The following SUCO variants were observed in gnomAD, a reference collection of about 807,000 sequenced individuals.
SUCO encodes SUN domain containing ossification factor.
SUCO carries 57 observed loss-of-function variants against 148.1 expected under a neutral mutation model. That is an observed-to-expected ratio of 0.38 (90% CI 0.31 to 0.48). The LOEUF (loss-of-function observed/expected upper bound fraction) is 0.48. Among genes scored for constraint, SUCO ranks in the 20% least tolerant of loss-of-function variants. The pLI is 0.96. For missense variants in SUCO, 1,331 were observed against 1,468.2 expected, an observed-to-expected ratio of 0.91 and a Z score of 1.53; for synonymous variants, 470 against 502.7, an observed-to-expected ratio of 0.93 and a Z score of 0.87.
chr1:172,584,875 G>A, intron 15 of SUCO, 143 bp from the exon 16 acceptor site: 1 of 513,822 alleles, frequency 1.9e-6, no homozygotes, highest in Non-Finnish European at 3.4e-6. Flanking sequence ...GTCCTATATT[G>A]GACTTTAGTT....
At chr1:172,549,730 G>T (rs1370712413) in intron 1 of SUCO, among the ~76,000 whole-genome samples, 2 of 151,814 alleles carry the variant, frequency 1.3e-5, no homozygotes, top group East Asian at 3.9e-4. Flanking sequence ...AGAATGAATT[G>T]ATTTCTCTTT....
At chr1:172,557,122 A>C in intron 4 of SUCO, 158 bp from the exon 5 acceptor site, 4 of 980,740 alleles carry the variant, frequency 4.1e-6, no homozygotes, top group Non-Finnish European at 4.8e-6. Flanking sequence ...TTAGAAGCTG[A>C]GGACAATAAC....
intron 1 of SUCO, among the ~76,000 whole-genome samples, chr1:172,538,932 A>G (rs116168424): frequency 0.016 from 2,372 of 152,324 alleles, 60 homozygotes; most frequent in African/African-American, 0.054. Flanking sequence ...CACTGTGTCC[A>G]ATAAAAGACG....
intron 6 of SUCO, chr1:172,568,305 T>TTGGC: frequency 2.2e-6 from 2 of 905,994 alleles, no homozygotes; most frequent in Non-Finnish European, 2.6e-6. Context: ...ATTCTTTGCT[T>TTGGC]CCCACCCACC....
chr1:172,598,882 C>G (rs1364102556), intron 19 of SUCO, among the ~76,000 whole-genome samples: 1 of 152,076 alleles, frequency 6.6e-6, no homozygotes, highest in East Asian at 1.9e-4. Context: ...TAGAAAGTAC[C>G]ATAGTGGATC....
intron 8 of SUCO, 161 bp from the exon 9 acceptor site, chr1:172,570,502 A>C (rs1654879120): frequency 1.7e-6 from 1 of 601,330 alleles, no homozygotes; most frequent in South Asian, 2.3e-5. Flanking sequence ...TGAATGGTGA[A>C]TCTTAGCCAC....
chr1:172,595,023 T>C (rs1402438885), intron 19 of SUCO, among the ~76,000 whole-genome samples: 1 of 152,248 alleles, frequency 6.6e-6, no homozygotes, highest in African/African-American at 2.4e-5. Context: ...AATTGATCCC[T>C]TTACCATTAT....
Position 172,535,486 on chromosome 1 carries a change from T to C in SUCO, c.62+1989T>C, listed in dbSNP as rs572028654. Among the ~76,000 whole-genome samples the C allele has an allele frequency of 4.6e-5, 7 of 152,304 alleles. No individual in the cohort carries two copies. In the South Asian group the frequency reaches 1.2e-3, roughly 27 times the overall value. ...GTGCTGATTGGCAAAGGGTATGTTT[T>C]TTCTTTGAAGCCTCTGCTTTTGTGC... On this transcript the variant is annotated intron_variant, in intron 1 of 23. Coordinates refer to ENST00000263688, the MANE Select transcript of SUCO (RefSeq NM_014283.5).
At chr1:172,542,599 C>A in intron 1 of SUCO, 1 of 268,880 alleles carries the variant, frequency 3.7e-6, no homozygotes, top group Non-Finnish European at 5.7e-6. Flanking sequence ...TACTATGAAC[C>A]ACACACGCGA....
At chr1:172,608,996 C>T (rs1396996825) in intron 23 of SUCO, among the ~76,000 whole-genome samples, 194 bp downstream of exon 23, 1 of 151,964 alleles carries the variant, frequency 6.6e-6, no homozygotes, top group African/African-American at 2.4e-5. Flanking sequence ...GGCCATGAGC[C>T]AGATAGGTTT....
intron 6 of SUCO, among the ~76,000 whole-genome samples, chr1:172,564,777 A>C (rs761231036): frequency 1.2e-4 from 18 of 152,136 alleles, no homozygotes; most frequent in Non-Finnish European, 2.4e-4. Flanking sequence ...CTCTTTTTTT[A>C]TATCCTTTGC....
rs1558203084 is a variant in SUCO at position 172,588,828 on chromosome 1, C to G, written c.1727C>G (p.Pro576Arg). 1 of 1,608,956 alleles carries G rather than the reference C, an allele frequency of 6.2e-7. No individual in the cohort carries two copies. Residue 576 changes from proline (P) to arginine (R), a missense_variant, in exon 18 of 24, where the codon CCC becomes CGC. Pro to Arg is a moderately radical substitution (Grantham distance 103). Transcript: ENST00000263688. ...ACACCAGATACTCCAAAAGAGAGTC[C>G]CATTGTACAGTTAGTTCAAGAGGAG... ...PSTPDTPKES[P>R]IVQLVQEEEE...
chr1:172,579,397 C>A, intron 15 of SUCO, 130 bp downstream of exon 15: 1 of 543,918 alleles, frequency 1.8e-6, no homozygotes, highest in Non-Finnish European at 3.3e-6. Context: ...AAGATACTGT[C>A]TTTTGAAAAG....
upstream of SUCO, chr1:172,532,485 T>G (rs563725594): frequency 1.2e-6 from 2 of 1,612,708 alleles, no homozygotes; most frequent in South Asian, 2.2e-5. Flanking sequence ...GAGAGGATTC[T>G]TGGCACGCCC....
intron 6 of SUCO, 137 bp from the exon 7 acceptor site, chr1:172,568,882 G>GT: frequency 5.9e-6 from 5 of 849,436 alleles, no homozygotes; most frequent in Non-Finnish European, 8.4e-6. Context: ...TTCTTTTTAC[G>GT]TTTTTTATTT....
At chr1:172,533,780 C>T (rs1199733189) in intron 1 of SUCO, among the ~76,000 whole-genome samples, 1 of 151,994 alleles carries the variant, frequency 6.6e-6, no homozygotes, top group Non-Finnish European at 1.5e-5. Context: ...GTTCCTCTAC[C>T]CCTTGGAGAC....
intron 22 of SUCO, 56 bp from the exon 23 acceptor site, chr1:172,608,691 A>G: frequency 8.4e-7 from 1 of 1,184,006 alleles, no homozygotes; most frequent in South Asian, 1.3e-5. Context: ...AATTATAGCA[A>G]ATCCACCAAA....
chr1:172,539,571 T>C (rs1238166919), intron 1 of SUCO, among the ~76,000 whole-genome samples: 1 of 152,220 alleles, frequency 6.6e-6, no homozygotes, highest in Non-Finnish European at 1.5e-5. Context: ...TACATGAAAG[T>C]GACACCTGGC....
At chr1:172,609,337 A>G (rs775532589) in intron 23 of SUCO, 28 of 984,858 alleles carry the variant, frequency 2.8e-5, no homozygotes, top group Non-Finnish European at 3.3e-5. Context: ...TTGTAATTTC[A>G]TCTAGGTGAA....
Sources: gnomAD v4.1 joint callset for allele counts (sites outside exome capture counted in the v4.1 genomes callset) on GRCh38, gnomAD v4.1.1 for gene constraint, MANE v1.5 for transcripts, NCBI Gene and HGNC (gene_info 2026-07-23, HGNC 2026-07-21) for gene names.